The following TBL1XR1 variants were observed in gnomAD, a reference collection of about 807,000 sequenced individuals.
TBL1XR1 encodes the protein TBL1X/Y related 1, also known as F-box-like/WD repeat-containing protein TBL1XR1.
Under a neutral mutation model 66.9 loss-of-function variants are expected in TBL1XR1, and 5 were observed. The observed-to-expected ratio is 0.07, with a 90% CI of 0.04 to 0.16. The LOEUF is 0.16. Ranked by LOEUF, TBL1XR1 falls within the 10% of genes least tolerant of loss-of-function variation. TBL1XR1 has a pLI of 1.00. For missense variants in TBL1XR1, 238 were observed against 623.2 expected (o/e 0.38, Z 6.58); for synonymous variants, 210 against 206.0 (o/e 1.02, Z -0.17).
chr3:177,199,950 T>C (rs1420556437), upstream of TBL1XR1, among the ~76,000 whole-genome samples: 2 of 152,074 alleles, frequency 1.3e-5, no homozygotes, highest in South Asian at 2.1e-4. Context: ...ATCATACTAA[T>C]TGAAGAGAGA....
chr3:177,025,510 G>A lies in TBL1XR1; in HGVS notation c.1533C>T (p.Asp511=). The A allele has an allele frequency of 6.2e-7, 1 of 1,612,634 alleles. No homozygotes were observed. The highest frequency in any genetic ancestry group is 8.5e-7 in the Non-Finnish European group (1 of 1,179,452). ...SASDGSVCVL[D]LRK ...CCAACTAGTAGCGCTATTTCCGAAG[G>A]TCTAATACACAAACCTGTAAGAAAT... The change falls in exon 16 of 16, where the codon GAC becomes GAT. Residue 511 remains aspartate, a synonymous_variant. Transcript: ENST00000457928.
chr3:177,072,337 C>T lies in TBL1XR1; in HGVS notation c.-45-7315G>A, dbSNP rs1163906826. ...TATGGTATTACTAAGATATTACTTG[C>T]ATTTTTCACTCCATTGGCATTTGCA... is the stretch of plus-strand genomic sequence containing the variant. On this transcript the variant is annotated intron_variant, in intron 2 of 15. Coordinates refer to ENST00000457928, the MANE Select transcript of TBL1XR1 (RefSeq NM_024665.7). Among the ~76,000 whole-genome samples, 6 of 152,074 alleles carry T rather than the reference C, an allele frequency of 3.9e-5. No individual in the cohort carries two copies. In the East Asian group the frequency reaches 7.7e-4, roughly 20 times the overall value.
At chr3:177,070,063 A>T (rs58762856) in intron 2 of TBL1XR1, among the ~76,000 whole-genome samples, 2,376 of 152,348 alleles carry the variant, frequency 0.016, 70 homozygotes, top group African/African-American at 0.055. Context: ...ATTTGATGAT[A>T]GGGAACACTG....
At chr3:177,036,792 T>C (rs1308326801) in intron 12 of TBL1XR1, among the ~76,000 whole-genome samples, 4 of 152,194 alleles carry the variant, frequency 2.6e-5, no homozygotes, top group African/African-American at 9.7e-5. Flanking sequence ...CTGTTCATAG[T>C]AGCAGGAAAA....
intron 14 of TBL1XR1, 37 bp from the exon 15 acceptor site, chr3:177,026,511 T>C: frequency 1.4e-6 from 2 of 1,420,832 alleles, no homozygotes; most frequent in Non-Finnish European, 9.6e-7. Context: ...AAAATCGTAA[T>C]ACATATTATA....
rs79362009 is a variant in TBL1XR1, at chr3:177,105,964, A to C, written c.-121-7423T>G. Among the ~76,000 whole-genome samples the C allele has an allele frequency of 4.4e-3, 663 of 152,286 alleles. 11 individuals are homozygous for C. The highest frequency in any genetic ancestry group is 2.3e-3 in the Non-Finnish European group (158 of 68,020). On this transcript the variant is annotated intron_variant, in intron 1 of 15. Coordinates refer to ENST00000457928, the MANE Select transcript of TBL1XR1 (RefSeq NM_024665.7). The stretch of plus-strand genomic sequence containing the variant: ...CAAAGTGAGAGGTGTTCAGAACTAG[A>C]GGGAGAAATATGTTAATACTACATC...
At chr3:177,075,447 T>C (rs767305150) in intron 2 of TBL1XR1, among the ~76,000 whole-genome samples, 12 of 152,196 alleles carry the variant, frequency 7.9e-5, no homozygotes, top group Non-Finnish European at 1.6e-4. Context: ...GTACTGGGAG[T>C]TGGCACCTCA....
At chr3:177,033,214 A>T in intron 13 of TBL1XR1, 78 bp from the exon 14 acceptor site, 1 of 1,272,128 alleles carries the variant, frequency 7.9e-7, no homozygotes, top group African/African-American at 1.5e-5. Context: ...AACCTCCCAT[A>T]TTCAGCCAAA....
chr3:177,033,699 A>T (rs1714335060), intron 13 of TBL1XR1, among the ~76,000 whole-genome samples: 1 of 152,228 alleles, frequency 6.6e-6, no homozygotes, highest in Non-Finnish European at 1.5e-5. Flanking sequence ...TCAGCTAACA[A>T]GTGGATAAAG....
chr3:177,133,294 TA>T lies in TBL1XR1; in HGVS notation c.-121-34754del, dbSNP rs541020261. On this transcript the variant is annotated intron_variant, in intron 1 of 15. Transcript: ENST00000457928. ...AAGAGCAAAACTCTGTCTCAAAAAA[TA>T]AAAAATAAATAAATAAAATAAATAA... Among the ~76,000 whole-genome samples, 332 of 151,602 alleles carry T rather than the reference TA, an allele frequency of 2.2e-3. 1 individual carries two copies. Among genetic ancestry groups the T allele is most frequent in the African/African-American group, 7.7e-3 (317 of 41,336 alleles).
At chr3:177,160,347 G>A (rs1732034890) in intron 1 of TBL1XR1, among the ~76,000 whole-genome samples, 1 of 151,874 alleles carries the variant, frequency 6.6e-6, no homozygotes, top group African/African-American at 2.4e-5. Context: ...GGTGACAGGC[G>A]CCTGTAGTCC....
chr3:177,158,160 TAAAACA>T (rs10657489), intron 1 of TBL1XR1, among the ~76,000 whole-genome samples: 86 of 147,052 alleles, frequency 5.8e-4, no homozygotes, highest in African/African-American at 1.9e-3. Flanking sequence ...AAATAAAAAG[TAAAACA>T]AAAACAAAAA....
At chr3:177,082,763 TA>T (rs2108611356) in intron 2 of TBL1XR1, among the ~76,000 whole-genome samples, 1 of 133,378 alleles carries the variant, frequency 7.5e-6, no homozygotes, top group Non-Finnish European at 1.6e-5. Context: ...TATATATATA[TA>T]TATGAATATG....
chr3:177,032,749 A>C (rs1483194995), intron 14 of TBL1XR1: 1 of 367,768 alleles, frequency 2.7e-6, no homozygotes, highest in Non-Finnish European at 4.8e-6. Flanking sequence ...GGAAAAAAAC[A>C]AAAGAATACA....
intron 1 of TBL1XR1, among the ~76,000 whole-genome samples, chr3:177,163,561 A>T (rs1300228383): frequency 6.6e-6 from 1 of 151,578 alleles, no homozygotes; most frequent in African/African-American, 2.4e-5. Flanking sequence ...TGTAAAATAT[A>T]TAAGGTAAAA....
chr3:177,150,779 G>T (rs1560232077), intron 1 of TBL1XR1, among the ~76,000 whole-genome samples: 1 of 152,210 alleles, frequency 6.6e-6, no homozygotes, highest in Non-Finnish European at 1.5e-5. Context: ...ATCTAAGGAC[G>T]CTGACATAAT....
intron 1 of TBL1XR1, among the ~76,000 whole-genome samples, chr3:177,167,512 C>G (rs1211163777): frequency 6.6e-6 from 1 of 152,218 alleles, no homozygotes; most frequent in East Asian, 1.9e-4. Context: ...TTAGGTTCAT[C>G]AACTGTAACC....
chr3:177,036,152 G>A (rs748339335), intron 12 of TBL1XR1, among the ~76,000 whole-genome samples: 3 of 152,200 alleles, frequency 2.0e-5, no homozygotes, highest in Non-Finnish European at 4.4e-5. Context: ...AGTTTTCCAA[G>A]AAGATATGTG....
intron 1 of TBL1XR1, among the ~76,000 whole-genome samples, chr3:177,129,997 T>TA (rs1201492620): frequency 6.6e-6 from 1 of 151,840 alleles, no homozygotes; most frequent in African/African-American, 2.4e-5. Context: ...ATACAACAAT[T>TA]AGCTGGGCGT....
Sources: gnomAD v4.1 joint callset for allele counts (sites outside exome capture counted in the v4.1 genomes callset) on GRCh38, gnomAD v4.1.1 for gene constraint, MANE v1.5 for transcripts, NCBI Gene and HGNC (gene_info 2026-07-23, HGNC 2026-07-21) for gene names.